KCND3: variants seen among roughly 807,000 people sequenced by gnomAD.
The protein encoded by KCND3 is potassium voltage-gated channel subfamily D member 3, also known as A-type voltage-gated potassium channel KCND3.
A neutral mutation model predicts 51.1 loss-of-function variants in KCND3; 9 were observed. The ratio of observed to expected loss-of-function variants is 0.18; its 90% CI spans 0.11 to 0.31. KCND3 has a LOEUF of 0.31. Ranked by LOEUF, KCND3 falls within the 10% of genes least tolerant of loss-of-function variation. The pLI is 1.00. For missense variants in KCND3, 526 were observed against 903.8 expected (o/e 0.58, Z 5.36); for synonymous variants, 349 against 368.0 (o/e 0.95, Z 0.59).
chr1:111,834,106 G>T (rs1315192902), intron 2 of KCND3, among the ~76,000 whole-genome samples: 1 of 152,208 alleles, frequency 6.6e-6, no homozygotes, highest in Admixed American at 6.5e-5. Context: ...TTTTACAAGG[G>T]ATCAGACCAA....
intron 2 of KCND3, among the ~76,000 whole-genome samples, chr1:111,802,285 A>G (rs1372200023): frequency 2.0e-5 from 3 of 152,118 alleles, no homozygotes; most frequent in Non-Finnish European, 4.4e-5. Flanking sequence ...TGTCAACACC[A>G]CAGCCTTCCT....
At chr1:111,789,664 T>G (rs1371250086) in intron 2 of KCND3, among the ~76,000 whole-genome samples, 1 of 152,240 alleles carries the variant, frequency 6.6e-6, no homozygotes, top group Non-Finnish European at 1.5e-5. Context: ...GCCATCAAAT[T>G]GCTGGCAGAA....
intron 2 of KCND3, among the ~76,000 whole-genome samples, chr1:111,954,043 C>T (rs1366420436): frequency 1.3e-5 from 2 of 152,136 alleles, no homozygotes; most frequent in African/African-American, 4.8e-5. Context: ...TACTCTCCGC[C>T]CTTCCCTGCC....
intron 2 of KCND3, among the ~76,000 whole-genome samples, chr1:111,930,349 C>G (rs1283842877): frequency 6.6e-6 from 1 of 152,180 alleles, no homozygotes; most frequent in Non-Finnish European, 1.5e-5. Flanking sequence ...AGGCAGAGGG[C>G]CTTCGCCGTT....
At chr1:111,855,712 C>T (rs1031932183) in intron 2 of KCND3, among the ~76,000 whole-genome samples, 2 of 152,076 alleles carry the variant, frequency 1.3e-5, no homozygotes, top group African/African-American at 4.8e-5. Flanking sequence ...ACACCTCCAC[C>T]CCAGGCAGGT....
At chr1:111,915,941 T>C (rs977014004) in intron 2 of KCND3, among the ~76,000 whole-genome samples, 9 of 151,448 alleles carry the variant, frequency 5.9e-5, no homozygotes, top group Admixed American at 3.9e-4. Flanking sequence ...AAAGTTGATA[T>C]AAAGAAAGGA....
chr1:111,855,351 T>G (rs1668015704), intron 2 of KCND3, among the ~76,000 whole-genome samples: 1 of 152,196 alleles, frequency 6.6e-6, no homozygotes, highest in South Asian at 2.1e-4. Flanking sequence ...GAAAGCTAAC[T>G]CATCCCCCTC....
intron 2 of KCND3, among the ~76,000 whole-genome samples, chr1:111,839,659 G>A (rs909304892): frequency 6.6e-6 from 1 of 152,208 alleles, no homozygotes; most frequent in Non-Finnish European, 1.5e-5. Context: ...AAATGTGCCG[G>A]CACTAGGCCA....
At position 111,780,086 on chromosome 1, in the gene KCND3, G is replaced by T; in HGVS notation, c.1461+139C>A. 2 of 949,434 alleles carry T rather than the reference G, an allele frequency of 2.1e-6. No individual in the cohort carries two copies. The highest frequency in any genetic ancestry group is 3.3e-6 in the Non-Finnish European group (2 of 603,954). 58.8% of individuals were successfully genotyped at this position (949,434 alleles called of 1,614,324 possible). On this transcript the variant is annotated intron_variant, in intron 5 of 7. Coordinates refer to ENST00000302127, the MANE Select transcript of KCND3 (RefSeq NM_001378969.1). This position sits in a 1 kb window ranked among gnomAD's most constrained non-coding sequence, Gnocchi z 4.2. ...ACTCCTCAGGGTCTTCCACCTGAGG[G>T]CCAGTAGATCCCATCACTACCTTTT...
At position 111,924,356 on chromosome 1, in the gene KCND3, G is replaced by A. The variant is rs114932676; in HGVS notation, c.1106+57265C>T. Among the ~76,000 whole-genome samples, 362 of 152,342 alleles carry A rather than the reference G, an allele frequency of 2.4e-3. 3 individuals carry two copies. Among genetic ancestry groups the A allele is most frequent in the African/African-American group, 8.5e-3 (352 of 41,574 alleles). ...AATATGATGCTCAGGGACCACAGGA[G>A]ATTCTGGAGAACATTACACCCTATA... On this transcript the variant is annotated intron_variant, in intron 2 of 7. Transcript: ENST00000302127.
rs1167797446 is a variant in KCND3, at chr1:111,771,380, CAGAA to C, written c.*4693_*4696del. The C allele has an allele frequency of 3.3e-5, 5 of 152,002 alleles. No individual in the cohort carries two copies. The highest frequency in any genetic ancestry group is 7.2e-5 in the African/African-American group (3 of 41,380). 9.4% of individuals were successfully genotyped at this position (152,002 alleles called of 1,614,324 possible). A position where few individuals can be genotyped will look rare whatever the true frequency, so the allele number is the denominator to read the frequency against. On this transcript the variant is annotated 3_prime_UTR_variant, in exon 8 of 8. Transcript: ENST00000302127. ...AAATAATGAGATTTCATTAGGAAAT[CAGAA>C]AGAGAAAATAAAAGTTTGTCATGGT...
intron 2 of KCND3, among the ~76,000 whole-genome samples, chr1:111,925,206 T>C (rs972462413): frequency 6.6e-6 from 1 of 152,220 alleles, no homozygotes; most frequent in African/African-American, 2.4e-5. Context: ...CCCCAGAATG[T>C]GTGTCCATGT....
intron 2 of KCND3, among the ~76,000 whole-genome samples, chr1:111,877,110 T>A (rs947840577): frequency 6.6e-6 from 1 of 152,200 alleles, no homozygotes; most frequent in Admixed American, 6.5e-5. Context: ...CCTCAAGAAA[T>A]GGATGTCTCA....
At chr1:111,965,448 ACACAC>A (rs1557752827) in intron 2 of KCND3, among the ~76,000 whole-genome samples, 9,217 of 135,600 alleles carry the variant, frequency 0.068, 396 homozygotes, top group Non-Finnish European at 0.099. Flanking sequence ...CCACACACAC[ACACAC>A]ACACACACAC....
chr1:111,793,393 G>A (rs1664924397), intron 2 of KCND3, among the ~76,000 whole-genome samples: 1 of 151,348 alleles, frequency 6.6e-6, no homozygotes, highest in Non-Finnish European at 1.5e-5. Flanking sequence ...TAGTCAGGAT[G>A]GTCTCGATCT....
chr1:111,821,746 A>T lies in KCND3; in HGVS notation c.1107-34640T>A, dbSNP rs151153419. On this transcript the variant is annotated intron_variant, in intron 2 of 7. Coordinates refer to ENST00000302127, the MANE Select transcript of KCND3 (RefSeq NM_001378969.1). ...ATGTGTCTCACCCTGGGCTCTTGTC[A>T]TCTCTGCCAGCAGGCATGGCCTCCT... 8.9e-4 allele frequency among the ~76,000 whole-genome samples: 135 copies of T among 152,240 alleles called. 2 individuals carry two copies. In the East Asian group the frequency reaches 0.023, roughly 26 times the overall value.
intron 2 of KCND3, among the ~76,000 whole-genome samples, chr1:111,897,574 G>A (rs1670182780): frequency 6.6e-6 from 1 of 152,234 alleles, no homozygotes. Flanking sequence ...CTGGGTATGT[G>A]GGTTTCTGCC....
chr1:111,985,022 G>A (rs1401654544), intron 1 of KCND3, among the ~76,000 whole-genome samples: 2 of 152,142 alleles, frequency 1.3e-5, no homozygotes, highest in Non-Finnish European at 2.9e-5. Flanking sequence ...GAGCACTTAC[G>A]CTATGCAAGG....
Position 111,964,308 on chromosome 1 carries a change from T to C in KCND3, c.1106+17313A>G, listed in dbSNP as rs151222039. 4.9e-4 allele frequency among the ~76,000 whole-genome samples: 74 copies of C among 152,194 alleles called. No homozygotes were observed. In the East Asian group the frequency reaches 9.1e-3, roughly 19 times the overall value. On this transcript the variant is annotated intron_variant, in intron 2 of 7. Transcript: ENST00000302127. ...AGAGCAGTAGGTGGGGAGGGGTGAC[T>C]CCTGGGCAGGCTGAAGCCCGGGATG...
Sources: gnomAD v4.1 joint callset for allele counts (sites outside exome capture counted in the v4.1 genomes callset) on GRCh38, gnomAD v4.1.1 for gene constraint, Gnocchi (gnomAD v3.1) non-coding constraint, MANE v1.5 for transcripts, NCBI Gene and HGNC (gene_info 2026-07-23, HGNC 2026-07-21) for gene names.